The following MAPK10 variants were observed in gnomAD, a reference collection of about 807,000 sequenced individuals.
MAPK10 encodes mitogen-activated protein kinase 10.
In MAPK10, 25 loss-of-function variants were observed where a neutral mutation model predicts 59.3. The ratio of observed to expected loss-of-function variants is 0.42; its 90% CI spans 0.31 to 0.59. The LOEUF is 0.59. Ranked by LOEUF, MAPK10 falls within the 20% of genes least tolerant of loss-of-function variation. The probability of loss-of-function intolerance (pLI) is 0.15; values close to 1 mark genes in which losing one functional copy is unlikely to be tolerated. For synonymous variants in MAPK10, 190 were observed against 200.5 expected (o/e 0.95, Z 0.44); for missense variants, 351 against 568.9 (o/e 0.62, Z 3.90).
At chr4:86,518,404 A>G (rs1756862474) in intron 1 of MAPK10, among the ~76,000 whole-genome samples, 1 of 152,186 alleles carries the variant, frequency 6.6e-6, no homozygotes, top group Admixed American at 6.5e-5. Flanking sequence ...GTGCACATAA[A>G]GGTGTTCATA....
intron 9 of MAPK10, among the ~76,000 whole-genome samples, chr4:86,068,649 A>T (rs188401626): frequency 9.8e-5 from 15 of 152,300 alleles, no homozygotes; most frequent in Admixed American, 7.2e-4. Context: ...TATTCAATTT[A>T]AAACAACAGA....
chr4:86,586,720 G>C (rs1762676855), intron 1 of MAPK10, among the ~76,000 whole-genome samples: 1 of 152,200 alleles, frequency 6.6e-6, no homozygotes. Context: ...AATCAAGTAA[G>C]AATAGATGGT....
intron 2 of MAPK10, among the ~76,000 whole-genome samples, chr4:86,339,222 G>T (rs1056731343): frequency 6.6e-6 from 1 of 152,122 alleles, no homozygotes; most frequent in Non-Finnish European, 1.5e-5. Context: ...GCAGAGTCAT[G>T]CAGTGACTAA....
At chr4:86,557,414 C>T (rs1760351072) in intron 1 of MAPK10, among the ~76,000 whole-genome samples, 1 of 152,026 alleles carries the variant, frequency 6.6e-6, no homozygotes, top group Non-Finnish European at 1.5e-5. Flanking sequence ...CTGACTGTCA[C>T]TAAAAACTAG....
intron 1 of MAPK10, among the ~76,000 whole-genome samples, chr4:86,412,895 T>C (rs1203740419): frequency 6.6e-6 from 1 of 152,218 alleles, no homozygotes; most frequent in Non-Finnish European, 1.5e-5. Flanking sequence ...TTCTGAAGTC[T>C]ACTTCTGTAA....
At chr4:86,176,801 A>AC (rs2075788603) in intron 3 of MAPK10, among the ~76,000 whole-genome samples, 1 of 152,130 alleles carries the variant, frequency 6.6e-6, no homozygotes, top group South Asian at 2.1e-4. Context: ...CGTTATCATG[A>AC]CAGTACAGAA....
At chr4:86,068,160 T>C (rs1038229357) in intron 9 of MAPK10, among the ~76,000 whole-genome samples, 2 of 152,220 alleles carry the variant, frequency 1.3e-5, no homozygotes, top group African/African-American at 4.8e-5. Context: ...TATATACTTT[T>C]GGAAAACTAG....
At chr4:86,301,588 T>C (rs1313834355) in intron 2 of MAPK10, among the ~76,000 whole-genome samples, 2 of 152,288 alleles carry the variant, frequency 1.3e-5, no homozygotes, top group East Asian at 3.9e-4. Flanking sequence ...CCAGGAAATT[T>C]GACGGGCTTA....
intron 2 of MAPK10, among the ~76,000 whole-genome samples, chr4:86,240,081 A>G (rs2092608211): frequency 6.6e-6 from 1 of 152,130 alleles, no homozygotes; most frequent in South Asian, 2.1e-4. Context: ...GAACTTCTTG[A>G]TTTCTGCCTT....
At chr4:86,055,182 T>G (rs2044312195) in intron 11 of MAPK10, among the ~76,000 whole-genome samples, 1 of 152,144 alleles carries the variant, frequency 6.6e-6, no homozygotes, top group Non-Finnish European at 1.5e-5. Flanking sequence ...AAGTTTAAAA[T>G]ATACAAGAAA....
chr4:86,276,012 G>A (rs1208933247), intron 2 of MAPK10, among the ~76,000 whole-genome samples: 7 of 152,034 alleles, frequency 4.6e-5, no homozygotes, highest in African/African-American at 1.7e-4. Flanking sequence ...TCCACAAGTT[G>A]TTTAATAAGT....
At chr4:86,041,103 TTCACCTATATC>T (rs1419600691) in intron 11 of MAPK10, 2 of 152,206 alleles carry the variant, frequency 1.3e-5, no homozygotes, top group Admixed American at 1.3e-4. Flanking sequence ...TGGTATGTAA[TTCACCTATATC>T]TTTACCATGA....
chr4:86,381,029 G>A (rs1740627796), intron 1 of MAPK10, among the ~76,000 whole-genome samples: 1 of 152,152 alleles, frequency 6.6e-6, no homozygotes, highest in Admixed American at 6.5e-5. Flanking sequence ...CTAGAGTCAG[G>A]AGCCAAATCC....
chr4:86,085,293 A>C (rs539431861), intron 9 of MAPK10, among the ~76,000 whole-genome samples: 15 of 152,296 alleles, frequency 9.8e-5, no homozygotes, highest in African/African-American at 3.4e-4. Flanking sequence ...GAAAACAATC[A>C]ACAAAGTGAA....
chr4:86,321,444 A>T (rs1323195011), intron 2 of MAPK10, among the ~76,000 whole-genome samples: 3 of 152,012 alleles, frequency 2.0e-5, no homozygotes, highest in Admixed American at 6.6e-5. Context: ...AGGGACATGG[A>T]TGAAATTGGA....
chr4:86,497,440 C>T (rs1754955105), intron 1 of MAPK10, among the ~76,000 whole-genome samples: 1 of 152,212 alleles, frequency 6.6e-6, no homozygotes, highest in African/African-American at 2.4e-5. Flanking sequence ...ACACACTACA[C>T]TGCAGCTGTT....
At chr4:86,042,494 A>T (rs2041768234) in intron 11 of MAPK10, among the ~76,000 whole-genome samples, 2 of 152,156 alleles carry the variant, frequency 1.3e-5, no homozygotes, top group Admixed American at 1.3e-4. Context: ...TAAAATTTTA[A>T]AAAAAAGTGT....
At chr4:86,362,968 G>A (rs113652467), upstream of MAPK10, among the ~76,000 whole-genome samples, 3,804 of 151,968 alleles carry the variant, frequency 0.025, 175 homozygotes, top group African/African-American at 0.086. Flanking sequence ...GGAAACCTAC[G>A]TCTACCAAAA....
At chr4:86,327,971 T>C (rs956943913) in intron 2 of MAPK10, among the ~76,000 whole-genome samples, 1 of 151,766 alleles carries the variant, frequency 6.6e-6, no homozygotes, top group African/African-American at 2.4e-5. Flanking sequence ...AATAATAATA[T>C]AAAACAAAAA....
Sources: gnomAD v4.1 joint callset for allele counts (sites outside exome capture counted in the v4.1 genomes callset) on GRCh38, gnomAD v4.1.1 for gene constraint, MANE v1.5 for transcripts, NCBI Gene and HGNC (gene_info 2026-07-23, HGNC 2026-07-21) for gene names.